PCDHGB4: variants seen among roughly 807,000 people sequenced by gnomAD.
PCDHGB4 encodes protocadherin gamma-B4.
Under a neutral mutation model 60.5 loss-of-function variants are expected in PCDHGB4, and 38 were observed. The ratio of observed to expected loss-of-function variants is 0.63; its 90% CI spans 0.48 to 0.82. The LOEUF is 0.82. Among genes scored for constraint, PCDHGB4 ranks in the 40% least tolerant of loss-of-function variants. The pLI is 0.00. For missense variants in PCDHGB4, 1,109 were observed against 1,209.6 expected, an observed-to-expected ratio of 0.92 and a Z score of 1.23; for synonymous variants, 456 against 509.7, an observed-to-expected ratio of 0.89 and a Z score of 1.42.
chr5:141,435,951 G>A (rs371199258), intron 1 of PCDHGB4, among the ~76,000 whole-genome samples: 1 of 152,100 alleles, frequency 6.6e-6, no homozygotes, highest in Non-Finnish European at 1.5e-5. Context: ...ACCAAAAAAG[G>A]GGGCAAAATA....
rs753211260 is a variant in PCDHGB4, at chr5:141,389,814, G to A, written c.1930G>A (p.Val644Met). 2 of 1,613,866 alleles carry A rather than the reference G, an allele frequency of 1.2e-6. No individual in the cohort carries two copies. Among genetic ancestry groups the A allele is most frequent in the East Asian group, 2.2e-5 (1 of 44,880 alleles). ...CGTCCGCCAGCGCCTTCTGGTCGCC[G>A]TGCGTGACGGTGGACAGCCACCACT... ...DAVRQRLLVA[V>M]RDGGQPPLSA... The change falls in exon 1 of 4, where the codon GTG (valine) becomes ATG (methionine). Residue 644 changes from valine (V) to methionine (M), a missense_variant. Transcript: ENST00000519479.
chr5:141,432,859 C>A lies in PCDHGB4; in HGVS notation c.2397+42578C>A. The A allele has an allele frequency of 1.2e-6, 2 of 1,614,190 alleles. No homozygotes were observed. Among genetic ancestry groups the A allele is most frequent in the Non-Finnish European group, 1.7e-6 (2 of 1,180,020 alleles). The stretch of plus-strand genomic sequence containing the variant: ...ACCTGGTGGTAGCGGTGGCCGCGGT[C>A]TCCTGCGTCTTCCTGGCCTTCGTCA... On this transcript the variant is annotated intron_variant, in intron 1 of 3. Transcript: ENST00000519479. This position sits in a 1 kb window ranked among gnomAD's most constrained non-coding sequence, Gnocchi z 6.0.
intron 1 of PCDHGB4, chr5:141,394,192 A>G: frequency 1.9e-6 from 3 of 1,613,840 alleles, no homozygotes; most frequent in East Asian, 2.2e-5. Flanking sequence ...TACTCAGCGT[A>G]TATCCTAGAG....
chr5:141,434,906 C>A lies in PCDHGB4; in HGVS notation c.2397+44625C>A, dbSNP rs1044434492. ...AACAATCCAGTCCCCTTCCCTCATA[C>A]CTTATTTATGTACATATATTTTATA... On this transcript the variant is annotated intron_variant, in intron 1 of 3. Coordinates refer to ENST00000519479, the MANE Select transcript of PCDHGB4 (RefSeq NM_003736.4). Among the ~76,000 whole-genome samples the A allele has an allele frequency of 2.0e-5, 3 of 151,752 alleles. No individual in the cohort carries two copies. In the South Asian group the frequency reaches 6.2e-4, roughly 32 times the overall value.
At chr5:141,420,359 A>G in intron 1 of PCDHGB4, 1 of 1,378,858 alleles carries the variant, frequency 7.3e-7, no homozygotes, top group Non-Finnish European at 9.6e-7. Flanking sequence ...TTAAGATTCT[A>G]GATAACTTCT....
At chr5:141,480,871 C>T (rs1262582761) in intron 1 of PCDHGB4, among the ~76,000 whole-genome samples, 1 of 151,930 alleles carries the variant, frequency 6.6e-6, no homozygotes, top group Non-Finnish European at 1.5e-5. Context: ...ATGGTGAAAC[C>T]CCGTCTCTAC....
Position 141,450,757 on chromosome 5 carries a change from G to A in PCDHGB4, c.2398-44050G>A, listed in dbSNP as rs575351311. Among the ~76,000 whole-genome samples, 5 of 151,964 alleles carry A rather than the reference G, an allele frequency of 3.3e-5. No individual in the cohort carries two copies. In the East Asian group the frequency reaches 9.7e-4, roughly 29 times the overall value. ...CCGCCTTGGCCTCCCAAAGTGCCGG[G>A]ATTACAGGCATGAGCCACCGTGCCC... On this transcript the variant is annotated intron_variant, in intron 1 of 3. Coordinates refer to ENST00000519479, the MANE Select transcript of PCDHGB4 (RefSeq NM_003736.4).
Position 141,485,519 on chromosome 5 carries a change from A to T in PCDHGB4, c.2398-9288A>T. ...GTTTGTCACCGAAGGTCCTTTGGAA[A>T]TGTACCGAGCAGAGGTAGAGATCGT... On this transcript the variant is annotated intron_variant, in intron 1 of 3. Transcript: ENST00000519479. The surrounding 1 kb of genome is among the most constrained non-coding windows in gnomAD (Gnocchi z 5.7). The T allele has an allele frequency of 6.2e-7, 1 of 1,614,150 alleles. No individual in the cohort carries two copies. The highest frequency in any genetic ancestry group is 8.5e-7 in the Non-Finnish European group (1 of 1,180,018).
At chr5:141,497,745 G>C (rs1475395529) in intron 2 of PCDHGB4, among the ~76,000 whole-genome samples, 1 of 152,070 alleles carries the variant, frequency 6.6e-6, no homozygotes, top group Non-Finnish European at 1.5e-5. Flanking sequence ...CGCCACGTTG[G>C]CCAGGCTGGT....
intron 1 of PCDHGB4, chr5:141,399,691 C>A: frequency 6.2e-7 from 1 of 1,613,480 alleles, no homozygotes; most frequent in Non-Finnish European, 8.5e-7. Context: ...CGAGCAGCTG[C>A]GCACCTTCGA....
At chr5:141,404,635 A>C (rs2094549114) in intron 1 of PCDHGB4, 1 of 1,614,130 alleles carries the variant, frequency 6.2e-7, no homozygotes, top group Non-Finnish European at 8.5e-7. Context: ...ATGCCCCAGA[A>C]ATCCTGTACC....
intron 1 of PCDHGB4, among the ~76,000 whole-genome samples, chr5:141,459,461 G>A (rs1217201752): frequency 6.6e-6 from 1 of 152,214 alleles, no homozygotes; most frequent in Non-Finnish European, 1.5e-5. Flanking sequence ...GGACATTTGA[G>A]TTGTGTCCAG....
intron 1 of PCDHGB4, among the ~76,000 whole-genome samples, chr5:141,397,331 TA>T (rs1194266776): frequency 2.0e-5 from 3 of 152,214 alleles, no homozygotes; most frequent in Non-Finnish European, 4.4e-5. Flanking sequence ...AAATTATTTT[TA>T]TAAAGAATGT....
At chr5:141,399,675 T>C (rs753709757) in intron 1 of PCDHGB4, 3 of 1,613,618 alleles carry the variant, frequency 1.9e-6, no homozygotes, top group South Asian at 2.2e-5. Context: ...AGCGCGCCTT[T>C]GACTACGAGC....
chr5:141,491,685 G>A lies in PCDHGB4; in HGVS notation c.2398-3122G>A. 1 of 1,613,164 alleles carries A rather than the reference G, an allele frequency of 6.2e-7. No individual in the cohort carries two copies. The highest frequency in any genetic ancestry group is 8.5e-7 in the Non-Finnish European group (1 of 1,179,646). On this transcript the variant is annotated intron_variant, in intron 1 of 3. Transcript: ENST00000519479. The surrounding 1 kb of genome is among the most constrained non-coding windows in gnomAD (Gnocchi z 6.9). ...CCATCCGGTCCCGCTCTAATACGCTGCGGGAGCGGAGCCAGGTGAGGGGCT... is the reference window on the plus strand; with the variant it reads ...CCATCCGGTCCCGCTCTAATACGCTACGGGAGCGGAGCCAGGTGAGGGGCT...
chr5:141,478,857 C>A, intron 1 of PCDHGB4: 1 of 1,353,600 alleles, frequency 7.4e-7, no homozygotes, highest in Non-Finnish European at 9.8e-7. Context: ...AACACAAGAT[C>A]TCAGCGATCA....
chr5:141,466,977 C>T (rs2099133275), intron 1 of PCDHGB4, among the ~76,000 whole-genome samples: 1 of 151,786 alleles, frequency 6.6e-6, no homozygotes. Flanking sequence ...CACAGCTCAT[C>T]ATTTACCTTT....
intron 1 of PCDHGB4, among the ~76,000 whole-genome samples, chr5:141,458,695 G>A (rs551105765): frequency 2.0e-5 from 3 of 151,852 alleles, no homozygotes; most frequent in Non-Finnish European, 2.9e-5. Context: ...TCAGCCTCCC[G>A]AGTAGCTGGG....
intron 1 of PCDHGB4, among the ~76,000 whole-genome samples, chr5:141,467,297 CT>C (rs1229166213): frequency 2.0e-5 from 3 of 152,182 alleles, no homozygotes; most frequent in African/African-American, 7.2e-5. Context: ...AAGTGATCCA[CT>C]CACCTCGGCC....
Sources: allele counts gnomAD v4.1 joint callset (sites outside exome capture counted in the v4.1 genomes callset), GRCh38; gene constraint gnomAD v4.1.1; non-coding constraint Gnocchi (gnomAD v3.1); transcripts MANE v1.5; gene names NCBI Gene and HGNC (gene_info 2026-07-23, HGNC 2026-07-21).